The following DSCAM variants were observed in gnomAD, a reference collection of about 807,000 sequenced individuals.
The protein encoded by DSCAM is DS cell adhesion molecule.
A neutral mutation model predicts 217.7 loss-of-function variants in DSCAM; 47 were observed. The ratio of observed to expected loss-of-function variants is 0.22; its 90% confidence interval spans 0.17 to 0.28. DSCAM has a LOEUF of 0.28. DSCAM is among the 10% of genes least tolerant of loss of function. The pLI is 1.00. For missense variants in DSCAM, 2,080 were observed against 2,618.3 expected (o/e 0.79, Z 4.49); for synonymous variants, 1,056 against 1,015.3 (o/e 1.04, Z -0.76).
intron 1 of DSCAM, among the ~76,000 whole-genome samples, chr21:40,725,304 G>T (rs997068286): frequency 6.0e-5 from 9 of 149,990 alleles, no homozygotes; most frequent in African/African-American, 2.2e-4. Context: ...AAGTGTAGAT[G>T]TCCAGTTGCC....
rs76562661 is a variant in DSCAM at position 40,640,357 on chromosome 21, T to G, written c.508+52453A>C. Among the ~76,000 whole-genome samples, 773 of 152,238 alleles carry G rather than the reference T, an allele frequency of 5.1e-3. 6 individuals are homozygous for G. Among genetic ancestry groups the G allele is most frequent in the African/African-American group, 0.018 (731 of 41,538 alleles). On this transcript the variant is annotated intron_variant, in intron 3 of 32. Transcript: ENST00000400454. ...TCCCCAGCAATGACCATGTGCAGCA[T>G]GGAAAACTGGGGTCCCCTCTTGTCT...
At chr21:40,479,484 A>C (rs1303150810) in intron 3 of DSCAM, among the ~76,000 whole-genome samples, 1 of 152,240 alleles carries the variant, frequency 6.6e-6, no homozygotes, top group Non-Finnish European at 1.5e-5. Context: ...AAGAGTTTTA[A>C]TTGACTCAGT....
chr21:40,796,650 T>C (rs570593664), intron 1 of DSCAM, among the ~76,000 whole-genome samples: 2 of 152,330 alleles, frequency 1.3e-5, no homozygotes, highest in African/African-American at 4.8e-5. Flanking sequence ...GTATGGTCCA[T>C]GGACCAGAAA....
At chr21:40,218,351 T>A (rs888338017) in intron 11 of DSCAM, among the ~76,000 whole-genome samples, 1 of 152,206 alleles carries the variant, frequency 6.6e-6, no homozygotes, top group African/African-American at 2.4e-5. Flanking sequence ...CATTGGACGA[T>A]GAGCCTGTTT....
chr21:40,691,933 C>T (rs2090542353), intron 3 of DSCAM, among the ~76,000 whole-genome samples: 1 of 152,198 alleles, frequency 6.6e-6, no homozygotes, highest in African/African-American at 2.4e-5. Context: ...CCAAATTCTG[C>T]TCTCTATAAA....
intron 11 of DSCAM, among the ~76,000 whole-genome samples, chr21:40,221,566 C>T (rs2091289605): frequency 2.0e-5 from 3 of 151,396 alleles, no homozygotes; most frequent in African/African-American, 4.8e-5. Context: ...CCAACAACAC[C>T]TGGGATCCCT....
At chr21:40,819,258 G>A (rs1052056213) in intron 1 of DSCAM, among the ~76,000 whole-genome samples, 25 of 152,340 alleles carry the variant, frequency 1.6e-4, no homozygotes, top group Non-Finnish European at 3.1e-4. Flanking sequence ...TTCTCTTTCA[G>A]CTAATTTAAC....
At chr21:40,489,930 T>C (rs1169676012) in intron 3 of DSCAM, among the ~76,000 whole-genome samples, 3 of 152,176 alleles carry the variant, frequency 2.0e-5, no homozygotes, top group Non-Finnish European at 4.4e-5. Flanking sequence ...TGTAGGTGTG[T>C]TAGTCTGCTC....
chr21:40,725,739 C>G (rs551228656), intron 1 of DSCAM, among the ~76,000 whole-genome samples: 69 of 152,266 alleles, frequency 4.5e-4, no homozygotes, highest in African/African-American at 1.6e-3. Context: ...GTAGTTGGAA[C>G]CTGCTCTCAG....
At chr21:40,577,036 G>A (rs891160639) in intron 3 of DSCAM, among the ~76,000 whole-genome samples, 8 of 151,028 alleles carry the variant, frequency 5.3e-5, no homozygotes, top group Non-Finnish European at 8.8e-5. Flanking sequence ...GAAAGGGCAC[G>A]AGAGGGTATC....
rs1391989450 is a variant in DSCAM, at chr21:40,339,102, G to C, written c.1507+17C>G. 3 of 1,611,334 alleles carry C rather than the reference G, an allele frequency of 1.9e-6. No individual in the cohort carries two copies. The highest frequency in any genetic ancestry group is 8.5e-7 in the Non-Finnish European group (1 of 1,178,810). On this transcript the variant is annotated intron_variant, in intron 7 of 32. Transcript: ENST00000400454. The stretch of plus-strand genomic sequence containing the variant: ...TGAGTTATGTGTGTTTTTTTGAGGA[G>C]CTGATTTGACAAGCACCTCTTACGT...
At chr21:40,015,111 T>C (rs1459630677) in intron 32 of DSCAM, among the ~76,000 whole-genome samples, 2 of 152,210 alleles carry the variant, frequency 1.3e-5, no homozygotes, top group Non-Finnish European at 2.9e-5. Context: ...GCTTTCCTCA[T>C]TGCTTTATAA....
chr21:40,169,519 G>C (rs557828336), intron 15 of DSCAM, among the ~76,000 whole-genome samples: 1 of 152,114 alleles, frequency 6.6e-6, no homozygotes, highest in Non-Finnish European at 1.5e-5. Context: ...CCACAGCTCC[G>C]TCCTCGCACT....
At chr21:40,555,881 C>G (rs1335365899) in intron 3 of DSCAM, among the ~76,000 whole-genome samples, 2 of 152,080 alleles carry the variant, frequency 1.3e-5, no homozygotes, top group Admixed American at 6.5e-5. Flanking sequence ...AAGTAATCCC[C>G]CTTCCTCGGC....
chr21:40,523,522 G>C (rs545345386), intron 3 of DSCAM, among the ~76,000 whole-genome samples: 2 of 151,988 alleles, frequency 1.3e-5, no homozygotes, highest in Middle Eastern at 3.4e-3. Context: ...AGAGGGAGGA[G>C]AGCCCTGGTG....
chr21:40,027,461 CT>C (rs2088414717), intron 32 of DSCAM, among the ~76,000 whole-genome samples: 1 of 149,536 alleles, frequency 6.7e-6, no homozygotes, highest in African/African-American at 2.5e-5. Flanking sequence ...GGATAATATC[CT>C]GCAGAGTGTT....
intron 3 of DSCAM, among the ~76,000 whole-genome samples, chr21:40,392,635 G>A (rs774549107): frequency 6.6e-5 from 10 of 152,128 alleles, no homozygotes; most frequent in Middle Eastern, 3.2e-3. Context: ...TATCTCAGAC[G>A]CAGAAGGGAA....
chr21:40,556,998 G>T (rs954251582), intron 3 of DSCAM, among the ~76,000 whole-genome samples: 55 of 152,096 alleles, frequency 3.6e-4, no homozygotes, highest in Admixed American at 3.6e-3. Flanking sequence ...GGTGGAGAAG[G>T]TGGAAGGGGA....
intron 11 of DSCAM, among the ~76,000 whole-genome samples, chr21:40,201,113 T>C (rs60228705): frequency 0.12 from 18,244 of 151,956 alleles, 2,998 homozygotes; most frequent in African/African-American, 0.37. Context: ...CTGGAGTGGG[T>C]CATATTTGAT....
Sources: allele counts gnomAD v4.1 joint callset (sites outside exome capture counted in the v4.1 genomes callset), GRCh38; gene constraint gnomAD v4.1.1; transcripts MANE v1.5; gene names NCBI Gene and HGNC (gene_info 2026-07-23, HGNC 2026-07-21).